The following AAK1 variants were observed in gnomAD, a reference collection of about 807,000 sequenced individuals.
AAK1 encodes AP2 associated kinase 1.
AAK1 carries 37 observed loss-of-function variants against 116.0 expected under a neutral mutation model. The ratio of observed to expected loss-of-function variants is 0.32; its 90% CI spans 0.25 to 0.42. The LOEUF (loss-of-function observed/expected upper bound fraction) is 0.42. AAK1 is among the 10% of genes least tolerant of loss of function. The pLI is 1.00. For missense variants in AAK1, 919 were observed against 1,170.6 expected (o/e 0.79, Z 3.14); for synonymous variants, 458 against 439.9 (o/e 1.04, Z -0.51).
chr2:69,504,110 T>C (rs1676081233), intron 16 of AAK1, among the ~76,000 whole-genome samples: 1 of 151,926 alleles, frequency 6.6e-6, no homozygotes, highest in East Asian at 1.9e-4. Flanking sequence ...TAAAGATGCA[T>C]ATCAGGTTGG....
chr2:69,634,083 T>C (rs377384096), intron 2 of AAK1, among the ~76,000 whole-genome samples: 19 of 152,300 alleles, frequency 1.2e-4, no homozygotes, highest in African/African-American at 4.6e-4. Context: ...GGCAGGAGAA[T>C]TGCTTAAATC....
chr2:69,578,827 G>A (rs1223273436), intron 2 of AAK1, among the ~76,000 whole-genome samples: 44 of 144,782 alleles, frequency 3.0e-4, no homozygotes, highest in Middle Eastern at 3.6e-3. Flanking sequence ...TTTTTCAGAC[G>A]GAGTCTCGCT....
intron 12 of AAK1, among the ~76,000 whole-genome samples, chr2:69,518,698 C>T (rs939243798): frequency 2.0e-5 from 3 of 151,832 alleles, no homozygotes; most frequent in Non-Finnish European, 2.9e-5. Context: ...ATTACAGGCG[C>T]GAGCCACTGC....
chr2:69,616,315 C>T (rs556417384), intron 2 of AAK1, among the ~76,000 whole-genome samples: 1 of 152,096 alleles, frequency 6.6e-6, no homozygotes, highest in Non-Finnish European at 1.5e-5. Flanking sequence ...TGTTAATGTA[C>T]TAAATGCCAC....
intron 8 of AAK1, among the ~76,000 whole-genome samples, chr2:69,527,895 G>C (rs1670088591): frequency 6.6e-6 from 1 of 151,998 alleles, no homozygotes; most frequent in South Asian, 2.1e-4. Flanking sequence ...TCCTCAGGGG[G>C]AAAAAAAATT....
chr2:69,521,207 C>T (rs1669761846), intron 10 of AAK1, among the ~76,000 whole-genome samples: 1 of 152,226 alleles, frequency 6.6e-6, no homozygotes, highest in Non-Finnish European at 1.5e-5. Flanking sequence ...TCAAAATATA[C>T]TGAGTGGCTC....
chr2:69,614,483 G>A lies in AAK1; in HGVS notation c.163+28395C>T, dbSNP rs1238325545. On this transcript the variant is annotated intron_variant, in intron 2 of 21. Transcript: ENST00000409085. ...CCGAGAGTGGCAGCAACAGTGCAGG[G>A]TCCCAGGTGAGGGATTTAGTCATGG... Among the ~76,000 whole-genome samples, 7 of 152,280 alleles carry A rather than the reference G, an allele frequency of 4.6e-5. No homozygotes were observed. In the East Asian group the frequency reaches 1.2e-3, roughly 25 times the overall value.
intron 13 of AAK1, among the ~76,000 whole-genome samples, chr2:69,510,209 C>T (rs1323616029): frequency 6.6e-6 from 1 of 152,168 alleles, no homozygotes; most frequent in Non-Finnish European, 1.5e-5. Flanking sequence ...CACCCTCCAC[C>T]TTCAAGGAGG....
Position 69,459,426 on chromosome 2 carries a change from G to C in AAK1, c.*16443C>G, listed in dbSNP as rs1226747985. On this transcript the variant is annotated 3_prime_UTR_variant, in exon 22 of 22. Transcript: ENST00000409085. ...CTACAGGTGTGCACCACCATGCCTG[G>C]CTAATTTTTGTATTTTTTGTAGAGA... The C allele has an allele frequency of 6.6e-6, 1 of 152,268 alleles. No individual in the cohort carries two copies. Among genetic ancestry groups the C allele is most frequent in the African/African-American group, 2.4e-5 (1 of 41,372 alleles). The allele number at this position is 152,268 out of a possible 1,614,324, so 9.4% of individuals were successfully genotyped here. A position where few individuals can be genotyped will look rare whatever the true frequency, so the allele number is the denominator to read the frequency against.
At chr2:69,488,815 G>C (rs1469492753) in intron 17 of AAK1, among the ~76,000 whole-genome samples, 1 of 151,554 alleles carries the variant, frequency 6.6e-6, no homozygotes, top group African/African-American at 2.4e-5. Flanking sequence ...TAAGAAACAG[G>C]AGACCTGCTC....
chr2:69,494,242 A>G (rs892973789), intron 17 of AAK1, among the ~76,000 whole-genome samples: 1 of 152,184 alleles, frequency 6.6e-6, no homozygotes, highest in Non-Finnish European at 1.5e-5. Context: ...AGGATGAAAG[A>G]AGCATGGAGG....
At chr2:69,486,923 A>G (rs1675321686) in intron 17 of AAK1, among the ~76,000 whole-genome samples, 1 of 152,154 alleles carries the variant, frequency 6.6e-6, no homozygotes, top group Non-Finnish European at 1.5e-5. Context: ...TAATGTTATC[A>G]GACAGGTTAG....
chr2:69,565,039 C>G (rs574239758), intron 2 of AAK1, among the ~76,000 whole-genome samples: 8 of 152,310 alleles, frequency 5.3e-5, no homozygotes, highest in African/African-American at 1.7e-4. Context: ...AACCCAAATG[C>G]CTGAAGAGCC....
chr2:69,533,234 G>C (rs950442985), intron 5 of AAK1, among the ~76,000 whole-genome samples: 4 of 151,988 alleles, frequency 2.6e-5, no homozygotes, highest in South Asian at 2.1e-4. Context: ...TCATATTCTT[G>C]GTCTTCTCTA....
intron 20 of AAK1, among the ~76,000 whole-genome samples, chr2:69,477,920 T>C (rs941298165): frequency 3.9e-5 from 6 of 152,204 alleles, no homozygotes; most frequent in African/African-American, 1.4e-4. Flanking sequence ...CTACTTTCAC[T>C]ACCCAATCAC....
At chr2:69,560,486 T>C (rs902889314) in intron 2 of AAK1, among the ~76,000 whole-genome samples, 2 of 152,268 alleles carry the variant, frequency 1.3e-5, no homozygotes, top group Non-Finnish European at 2.9e-5. Context: ...TGTGTCAGTC[T>C]CTCTGCCTAC....
At chr2:69,556,829 A>G in intron 3 of AAK1, 31 bp downstream of exon 3, 1 of 1,545,300 alleles carries the variant, frequency 6.5e-7, no homozygotes. Context: ...CCTCCATTTT[A>G]AACAGTCCCA....
intron 2 of AAK1, among the ~76,000 whole-genome samples, chr2:69,584,302 T>A (rs1278581087): frequency 6.6e-6 from 1 of 152,240 alleles, no homozygotes; most frequent in Non-Finnish European, 1.5e-5. Flanking sequence ...ACCTCTTCTC[T>A]AACTAGCTTC....
intron 2 of AAK1, among the ~76,000 whole-genome samples, chr2:69,587,756 G>A (rs1215505477): frequency 6.6e-6 from 1 of 151,832 alleles, no homozygotes; most frequent in South Asian, 2.1e-4. Flanking sequence ...GTAAGCCACT[G>A]CACCCAGTTG....
Sources: gnomAD v4.1 joint callset for allele counts (sites outside exome capture counted in the v4.1 genomes callset) on GRCh38, gnomAD v4.1.1 for gene constraint, MANE v1.5 for transcripts, NCBI Gene and HGNC (gene_info 2026-07-23, HGNC 2026-07-21) for gene names.